Variants in STXBP5L observed in about 807,000 individuals in gnomAD.
STXBP5L encodes syntaxin binding protein 5L.
STXBP5L carries 65 observed loss-of-function variants against 144.5 expected under a neutral mutation model. The observed-to-expected ratio is 0.45, with a 90% CI of 0.37 to 0.55. The LOEUF is 0.55. STXBP5L is among the 20% of genes least tolerant of loss of function. The pLI is 0.00. For synonymous variants in STXBP5L, 505 were observed against 469.6 expected (o/e 1.08, Z -0.97); for missense variants, 1,298 against 1,405.5 (o/e 0.92, Z 1.22).
chr3:120,977,427 C>A (rs1941192345), intron 3 of STXBP5L, among the ~76,000 whole-genome samples: 1 of 152,022 alleles, frequency 6.6e-6, no homozygotes, highest in African/African-American at 2.4e-5. Context: ...TTATTTTGAG[C>A]CTATATCTGT....
chr3:121,024,235 C>T (rs541003089), intron 3 of STXBP5L, among the ~76,000 whole-genome samples: 1 of 152,076 alleles, frequency 6.6e-6, no homozygotes, highest in Non-Finnish European at 1.5e-5. Flanking sequence ...AAGAAAACAA[C>T]CTAATTTAAA....
At position 121,202,271 on chromosome 3, in the gene STXBP5L, G is replaced by A. The variant is rs1033641980; in HGVS notation, c.878-3652G>A. Among the ~76,000 whole-genome samples, 16 of 152,152 alleles carry A rather than the reference G, an allele frequency of 1.1e-4. No homozygotes were observed. In the East Asian group the frequency reaches 2.9e-3, roughly 28 times the overall value. ...TCATTTTTGGTTTTCTTCATTTGTT[G>A]CTGTAGATTCAAATTACCAACTGGT... On this transcript the variant is annotated intron_variant, in intron 9 of 26. Coordinates refer to ENST00000471454, the MANE Select transcript of STXBP5L (RefSeq NM_001308330.2).
intron 3 of STXBP5L, among the ~76,000 whole-genome samples, chr3:121,015,207 T>G (rs1945057215): frequency 1.3e-5 from 2 of 152,150 alleles, no homozygotes; most frequent in Admixed American, 1.3e-4. Context: ...TAGCAAGAAG[T>G]TGACCCAGCT....
rs144381089 is a variant in STXBP5L at position 121,183,573 on chromosome 3, G to T, written c.878-22350G>T. Among the ~76,000 whole-genome samples the T allele has an allele frequency of 8.3e-5, 11 of 132,784 alleles. No individual in the cohort carries two copies. The East Asian group carries it at 2.4e-3, about 30-fold the overall frequency. The allele number at this position is 132,784 out of a possible 152,430, so 87.1% of individuals were successfully genotyped here. A position where few individuals can be genotyped will look rare whatever the true frequency, so the allele number is the denominator to read the frequency against. The stretch of plus-strand genomic sequence containing the variant: ...CAAGCAAGCAAGACAAAGAGAGAAA[G>T]AAAAATTGAAAGAAAGGAAGAAAGA... On this transcript the variant is annotated intron_variant, in intron 9 of 26. Coordinates refer to ENST00000471454, the MANE Select transcript of STXBP5L (RefSeq NM_001308330.2).
intron 13 of STXBP5L, among the ~76,000 whole-genome samples, 200 bp from the exon 14 acceptor site, chr3:121,240,239 AT>A (rs1468072839): frequency 9.2e-5 from 14 of 152,174 alleles, no homozygotes; most frequent in Admixed American, 9.2e-4. Context: ...TAAAATCTAT[AT>A]TTTTAAGGGA....
chr3:121,143,943 T>C (rs1396011965), intron 7 of STXBP5L, among the ~76,000 whole-genome samples: 1 of 151,616 alleles, frequency 6.6e-6, no homozygotes, highest in Non-Finnish European at 1.5e-5. Flanking sequence ...CTCTATAAAC[T>C]TAACACTGAA....
intron 19 of STXBP5L, among the ~76,000 whole-genome samples, chr3:121,280,797 C>A (rs1283895843): frequency 1.3e-5 from 2 of 151,542 alleles, no homozygotes; most frequent in Non-Finnish European, 3.0e-5. Context: ...TACTTTGGGC[C>A]AGATATGGTG....
intron 20 of STXBP5L, among the ~76,000 whole-genome samples, chr3:121,334,467 A>G (rs2044434130): frequency 6.6e-6 from 1 of 152,102 alleles, no homozygotes; most frequent in African/African-American, 2.4e-5. Context: ...TTGGGACAAT[A>G]GCCTTGATGG....
chr3:121,339,235 A>T (rs1489009218), intron 20 of STXBP5L, among the ~76,000 whole-genome samples: 1 of 152,186 alleles, frequency 6.6e-6, no homozygotes, highest in Non-Finnish European at 1.5e-5. Context: ...TTAAGTGGGT[A>T]TTATCCCAGG....
At chr3:121,190,826 G>C (rs1035768759) in intron 9 of STXBP5L, among the ~76,000 whole-genome samples, 12 of 151,820 alleles carry the variant, frequency 7.9e-5, no homozygotes, top group African/African-American at 2.7e-4. Context: ...TCTCAGACGG[G>C]GCGGCCAGTC....
intron 20 of STXBP5L, among the ~76,000 whole-genome samples, chr3:121,373,592 G>T (rs1225255510): frequency 6.6e-6 from 1 of 152,102 alleles, no homozygotes; most frequent in African/African-American, 2.4e-5. Flanking sequence ...TGCATTTCTG[G>T]CACCTGAGCC....
At chr3:121,104,447 C>G (rs922127167) in intron 5 of STXBP5L, among the ~76,000 whole-genome samples, 6 of 152,144 alleles carry the variant, frequency 3.9e-5, no homozygotes, top group Non-Finnish European at 8.8e-5. Flanking sequence ...CAAAGCAAGA[C>G]TAAGCAAAAA....
chr3:120,979,532 C>G (rs988154178), intron 3 of STXBP5L, among the ~76,000 whole-genome samples: 1 of 152,184 alleles, frequency 6.6e-6, no homozygotes. Context: ...TGCTTTGGCT[C>G]ACGCACAGTG....
chr3:121,402,685 T>C (rs1020321299), intron 22 of STXBP5L, among the ~76,000 whole-genome samples: 22 of 152,246 alleles, frequency 1.4e-4, no homozygotes, highest in African/African-American at 4.8e-4. Flanking sequence ...TGTCTCATTT[T>C]ACCATAAATC....
At chr3:121,021,047 C>T (rs190497392) in intron 3 of STXBP5L, among the ~76,000 whole-genome samples, 146 of 152,104 alleles carry the variant, frequency 9.6e-4, no homozygotes, top group African/African-American at 3.4e-3. Context: ...TAAGGACTCA[C>T]ATAAACTTAA....
intron 7 of STXBP5L, among the ~76,000 whole-genome samples, chr3:121,124,470 T>G (rs1014866638): frequency 3.9e-5 from 6 of 152,010 alleles, no homozygotes; most frequent in African/African-American, 1.4e-4. Context: ...GCTATATAAC[T>G]ATAAATTTTT....
intron 3 of STXBP5L, among the ~76,000 whole-genome samples, chr3:120,979,603 C>G (rs979609184): frequency 1.3e-5 from 2 of 152,190 alleles, no homozygotes; most frequent in African/African-American, 4.8e-5. Flanking sequence ...AACCCGGTAC[C>G]TCCGATGGAA....
intron 5 of STXBP5L, among the ~76,000 whole-genome samples, chr3:121,113,660 TTTTTTCTTTTTC>T (rs1315732711): frequency 6.8e-6 from 1 of 146,560 alleles, no homozygotes; most frequent in Non-Finnish European, 1.5e-5. Context: ...ACTTTTATTC[TTTTTTCTTTTTC>T]TTTTTTTTTT....
At chr3:120,991,173 T>G (rs1163782515) in intron 3 of STXBP5L, among the ~76,000 whole-genome samples, 1 of 149,422 alleles carries the variant, frequency 6.7e-6, no homozygotes, top group Admixed American at 6.7e-5. Flanking sequence ...GGGCAAAGGA[T>G]ATGAACAGAC....
Sources: gnomAD v4.1 joint callset for allele counts (sites outside exome capture counted in the v4.1 genomes callset) on GRCh38, gnomAD v4.1.1 for gene constraint, MANE v1.5 for transcripts, NCBI Gene and HGNC (gene_info 2026-07-23, HGNC 2026-07-21) for gene names.